Variants in PDE3B observed in about 807,000 individuals in gnomAD.
PDE3B encodes phosphodiesterase 3B, also known as cGMP-inhibited 3',5'-cyclic phosphodiesterase 3B.
Under a neutral mutation model 116.8 loss-of-function variants are expected in PDE3B, and 66 were observed. The observed-to-expected ratio is 0.56, with a 90% CI of 0.46 to 0.69. PDE3B has a LOEUF of 0.69. Ranked by LOEUF, PDE3B falls within the 30% of genes least tolerant of loss-of-function variation. PDE3B has a pLI of 0.00. For synonymous variants in PDE3B, 595 were observed against 533.6 expected (o/e 1.12, Z -1.59); for missense variants, 1,384 against 1,368.1 (o/e 1.01, Z -0.18).
intron 1 of PDE3B, among the ~76,000 whole-genome samples, chr11:14,750,423 A>C (rs1164942905): frequency 3.3e-5 from 5 of 152,284 alleles, no homozygotes; most frequent in African/African-American, 1.2e-4. Context: ...CACTATAGCA[A>C]AACTGTGGCT....
At chr11:14,811,750 A>G (rs1280012305) in intron 5 of PDE3B, among the ~76,000 whole-genome samples, 1 of 151,984 alleles carries the variant, frequency 6.6e-6, no homozygotes, top group Non-Finnish European at 1.5e-5. Flanking sequence ...CATTTTCACA[A>G]TATTGATTCT....
Position 14,752,828 on chromosome 11 carries a change from C to G in PDE3B, c.979-19109C>G, listed in dbSNP as rs1857089101. Among the ~76,000 whole-genome samples the G allele has an allele frequency of 3.3e-5, 5 of 152,124 alleles. No homozygotes were observed. In the South Asian group the frequency reaches 1.0e-3, roughly 32 times the overall value. On this transcript the variant is annotated intron_variant, in intron 1 of 15. Transcript: ENST00000282096. ...TTTGTCCTCCTGCCCCATTCTTAATCTTTTTTCTTTTGCCTTACCCCTCTT... is the reference window on the plus strand; with the variant it reads ...TTTGTCCTCCTGCCCCATTCTTAATGTTTTTTCTTTTGCCTTACCCCTCTT...
rs191075282 is a variant in PDE3B at position 14,738,287 on chromosome 11, C to T, written c.979-33650C>T. On this transcript the variant is annotated intron_variant, in intron 1 of 15. Transcript: ENST00000282096. ...ACATCCTCTGCAGCATCTGTTGTTT[C>T]CTGACTTTTTAGTGATCGCCATTCT... 5.3e-3 allele frequency among the ~76,000 whole-genome samples: 802 copies of T among 152,276 alleles called. 6 individuals carry two copies. The highest frequency in any genetic ancestry group is 6.4e-3 in the Non-Finnish European group (434 of 68,022).
chr11:14,797,018 T>G (rs954360147), intron 4 of PDE3B, among the ~76,000 whole-genome samples: 1 of 152,256 alleles, frequency 6.6e-6, no homozygotes, highest in Non-Finnish European at 1.5e-5. Flanking sequence ...AAGTCTTTAA[T>G]CCATCTTCAG....
intron 1 of PDE3B, among the ~76,000 whole-genome samples, chr11:14,770,882 T>A (rs1269792551): frequency 2.0e-5 from 3 of 151,578 alleles, no homozygotes; most frequent in South Asian, 2.1e-4. Context: ...GTCAGCAAAC[T>A]GTAGTCCACT....
chr11:14,891,216 C>T, the PDE3B span: 4 of 985,284 alleles, frequency 4.1e-6, no homozygotes, highest in South Asian at 9.4e-5. Flanking sequence ...CTTTCCCCTC[C>T]GCAGAATGAG....
intron 1 of PDE3B, among the ~76,000 whole-genome samples, chr11:14,756,063 A>G (rs1857172881): frequency 6.6e-6 from 1 of 152,220 alleles, no homozygotes; most frequent in Admixed American, 6.5e-5. Context: ...TTATTTTACA[A>G]TTAAGAATCC....
In PDE3B at chr11:14,657,892, A is replaced by G. The variant is rs115135001; in HGVS notation, c.978+12839A>G. ...AGAGTGACAGATGAGATATCAGAAT[A>G]CTACCTGTATTCCTGATAAAGCTGT... On this transcript the variant is annotated intron_variant, in intron 1 of 15. Transcript: ENST00000282096. Among the ~76,000 whole-genome samples the G allele has an allele frequency of 2.4e-3, 359 of 152,354 alleles. 1 individual carries two copies. The highest frequency in any genetic ancestry group is 8.1e-3 in the African/African-American group (338 of 41,588).
intron 1 of PDE3B, among the ~76,000 whole-genome samples, chr11:14,737,853 G>T (rs1443209413): frequency 7.2e-6 from 1 of 139,352 alleles, no homozygotes; most frequent in African/African-American, 2.7e-5. Flanking sequence ...CCATCTATGA[G>T]TGAGAACATG....
intron 1 of PDE3B, among the ~76,000 whole-genome samples, chr11:14,710,510 A>C (rs1026525649): frequency 6.6e-6 from 1 of 152,206 alleles, no homozygotes; most frequent in Non-Finnish European, 1.5e-5. Context: ...AAAGTCCATC[A>C]GAGTCTTTTC....
At chr11:14,777,522 C>T (rs923966639) in intron 2 of PDE3B, among the ~76,000 whole-genome samples, 1 of 152,252 alleles carries the variant, frequency 6.6e-6, no homozygotes, top group South Asian at 2.1e-4. Context: ...CAACACATAA[C>T]CTATAGGGGA....
chr11:14,709,963 T>A (rs901955534), intron 1 of PDE3B, among the ~76,000 whole-genome samples: 3 of 152,230 alleles, frequency 2.0e-5, no homozygotes, highest in African/African-American at 4.8e-5. Flanking sequence ...AAAGGAATTC[T>A]AAAGGTAAAA....
At chr11:14,898,394 G>T in the PDE3B span, among the ~76,000 whole-genome samples, 1 of 152,014 alleles carries the variant, frequency 6.6e-6, no homozygotes, top group Admixed American at 6.5e-5. Flanking sequence ...CTGTCCAGGG[G>T]ATGGGGCAGT....
intron 13 of PDE3B, among the ~76,000 whole-genome samples, chr11:14,860,863 A>G (rs1555007008): frequency 6.6e-6 from 1 of 151,986 alleles, no homozygotes; most frequent in African/African-American, 2.4e-5. Flanking sequence ...TATAATTCTT[A>G]TATGATTTTT....
intron 1 of PDE3B, among the ~76,000 whole-genome samples, chr11:14,651,748 C>G (rs1853580949): frequency 6.6e-6 from 1 of 152,198 alleles, no homozygotes; most frequent in African/African-American, 2.4e-5. Context: ...TGCCAACACA[C>G]TATATTGAAA....
intron 12 of PDE3B, among the ~76,000 whole-genome samples, chr11:14,852,218 G>A (rs527675332): frequency 9.9e-5 from 15 of 152,112 alleles, no homozygotes; most frequent in African/African-American, 2.6e-4. Context: ...CACCATGCCC[G>A]GCTAATTTTT....
intron 1 of PDE3B, among the ~76,000 whole-genome samples, chr11:14,665,793 A>G (rs2133771165): frequency 6.6e-6 from 1 of 152,368 alleles, no homozygotes; most frequent in African/African-American, 2.4e-5. Context: ...GGATACAAAT[A>G]AATGGAAGAA....
At chr11:14,681,276 G>A (rs1854697433) in intron 1 of PDE3B, among the ~76,000 whole-genome samples, 1 of 152,152 alleles carries the variant, frequency 6.6e-6, no homozygotes, top group Non-Finnish European at 1.5e-5. Context: ...GTACCACTGT[G>A]ATACGGTTTG....
At chr11:14,693,378 G>A (rs1239779802) in intron 1 of PDE3B, among the ~76,000 whole-genome samples, 1 of 152,200 alleles carries the variant, frequency 6.6e-6, no homozygotes, top group African/African-American at 2.4e-5. Context: ...ATTGGAAGAA[G>A]ATGCTAGGAC....
Sources: gnomAD v4.1 joint callset for allele counts (sites outside exome capture counted in the v4.1 genomes callset) on GRCh38, gnomAD v4.1.1 for gene constraint, MANE v1.5 for transcripts, NCBI Gene and HGNC (gene_info 2026-07-23, HGNC 2026-07-21) for gene names.